EP300: variants seen among roughly 807,000 people sequenced by gnomAD.
EP300 encodes histone acetyltransferase p300.
In EP300, 31 loss-of-function variants were observed where a neutral mutation model predicts 264.0. That is an observed-to-expected ratio of 0.12 (90% CI 0.09 to 0.16). The LOEUF is 0.16. EP300 is among the 10% of genes least tolerant of loss of function. The pLI, the probability that EP300 is intolerant of heterozygous loss-of-function variation, is 1.00. For synonymous variants in EP300, 1,340 were observed against 1,045.4 expected (o/e 1.28, Z -5.44); for missense variants, 2,766 against 3,052.9 (o/e 0.91, Z 2.21).
chr22:41,124,005 T>G (rs544535998), intron 2 of EP300, among the ~76,000 whole-genome samples: 1 of 152,228 alleles, frequency 6.6e-6, no homozygotes, highest in African/African-American at 2.4e-5. Flanking sequence ...CCCAGCACTT[T>G]GGGAGGCCGA....
At chr22:41,107,506 C>T (rs1354762180) in intron 1 of EP300, among the ~76,000 whole-genome samples, 3 of 151,304 alleles carry the variant, frequency 2.0e-5, no homozygotes, top group Non-Finnish European at 4.4e-5. Flanking sequence ...TTTTAAATTA[C>T]ATTTTGTGTC....
intron 1 of EP300, among the ~76,000 whole-genome samples, chr22:41,102,202 T>C (rs2058735822): frequency 6.6e-6 from 1 of 152,120 alleles, no homozygotes; most frequent in African/African-American, 2.4e-5. Context: ...CCTCTGTACA[T>C]TGTTCCTTCT....
At chr22:41,098,658 A>G (rs1267240714) in intron 1 of EP300, among the ~76,000 whole-genome samples, 1 of 152,222 alleles carries the variant, frequency 6.6e-6, no homozygotes, top group Non-Finnish European at 1.5e-5. Context: ...GGCGTGAGCC[A>G]TAGCACCTGG....
Position 41,179,515 on chromosome 22 carries a change from A to C in EP300, c.*559A>C. 1 of 175,130 alleles carries C rather than the reference A, an allele frequency of 5.7e-6. No individual in the cohort carries two copies. The highest frequency in any genetic ancestry group is 1.2e-5 in the Non-Finnish European group (1 of 85,318). The allele number at this position is 175,130 out of a possible 1,614,324, so 10.8% of individuals were successfully genotyped here. ...TTTTTCTCTGGGTGCAAAGATGTTC[A>C]TTCTTTTAAAAAATGTTTAAAAAAA... is the stretch of plus-strand genomic sequence containing the variant. On this transcript the variant is annotated 3_prime_UTR_variant, in exon 31 of 31. Coordinates refer to ENST00000263253, the MANE Select transcript of EP300 (RefSeq NM_001429.4).
chr22:41,127,818 A>G (rs2058891746), intron 4 of EP300, 70 bp downstream of exon 4: 1 of 1,592,906 alleles, frequency 6.3e-7, no homozygotes, highest in Non-Finnish European at 8.6e-7. Flanking sequence ...AAATGTGATC[A>G]AGTCTATTTT....
Position 41,150,183 on chromosome 22 carries a change from G to A in EP300, c.2802G>A (p.Pro934=), listed in dbSNP as rs201374098. Residue 934 remains proline, a synonymous_variant, in exon 14 of 31, where the codon CCG becomes CCA. Coordinates refer to ENST00000263253, the MANE Select transcript of EP300 (RefSeq NM_001429.4). ...VPTPTAPLLP[P]QPATPLSQPA... ...CCCCAACAGCACCGCTGCTTCCTCCGCAGCCTGCAACTCCAGTAAGTAGAG... is the reference window on the plus strand; with the variant it reads ...CCCCAACAGCACCGCTGCTTCCTCCACAGCCTGCAACTCCAGTAAGTAGAG... 34 of 1,607,612 alleles carry A rather than the reference G, an allele frequency of 2.1e-5. No homozygotes were observed. The highest frequency in any genetic ancestry group is 3.3e-5 in the South Asian group (3 of 90,834).
intron 2 of EP300, among the ~76,000 whole-genome samples, chr22:41,119,119 C>T (rs1272827855): frequency 6.7e-6 from 1 of 149,372 alleles, no homozygotes; most frequent in Non-Finnish European, 1.5e-5. Context: ...CTTCTCGCCT[C>T]AGCCTCCTGA....
rs757248482 is a variant in EP300, at chr22:41,170,567, A to G, written c.4448A>G (p.Tyr1483Cys). 5.6e-6 allele frequency: 9 copies of G among 1,613,862 alleles called. No homozygotes were observed. The highest frequency in any genetic ancestry group is 1.7e-5 in the Admixed American group (1 of 59,992). ...KAVSERIVHDYKDIFKQATED... is the reference protein window; with the variant it reads ...KAVSERIVHDCKDIFKQATED... ...GTATCAGAGCGTATTGTCCATGACT[A>G]CAAGGTCAGTTGGGACATAGGGGCC... is the stretch of plus-strand genomic sequence containing the variant. The change falls in exon 27 of 31, where the codon TAC (tyrosine) becomes TGC (cysteine). Residue 1483 changes from tyrosine to cysteine, a missense_variant. By Grantham distance (194) the Tyr-to-Cys change is radical. Coordinates refer to ENST00000263253, the MANE Select transcript of EP300 (RefSeq NM_001429.4).
At position 41,141,286 on chromosome 22, in the gene EP300, G is replaced by A. The variant is rs538340097; in HGVS notation, c.2053+64G>A. The A allele has an allele frequency of 4.3e-5, 66 of 1,545,246 alleles. No individual in the cohort carries two copies. In the African/African-American group the frequency reaches 8.6e-4, roughly 20 times the overall value. On this transcript the variant is annotated intron_variant, in intron 10 of 30. Coordinates refer to ENST00000263253, the MANE Select transcript of EP300 (RefSeq NM_001429.4). ...GATAATAAAATAGTTTCTATCTAAA[G>A]TCATTAATTTCTGTAAGCTTGTGTA...
chr22:41,097,067 T>C (rs531162954), intron 1 of EP300, among the ~76,000 whole-genome samples: 2 of 152,370 alleles, frequency 1.3e-5, no homozygotes, highest in African/African-American at 4.8e-5. Context: ...CATAAGAGTT[T>C]GCTTCTGGAG....
chr22:41,156,693 C>T (rs140767733), intron 17 of EP300, among the ~76,000 whole-genome samples: 1 of 152,188 alleles, frequency 6.6e-6, no homozygotes, highest in Non-Finnish European at 1.5e-5. Flanking sequence ...CCACTGCACT[C>T]CAGCCTGGGC....
chr22:41,165,741 T>G (rs1282604874), intron 22 of EP300, among the ~76,000 whole-genome samples: 1 of 151,444 alleles, frequency 6.6e-6, no homozygotes, highest in Non-Finnish European at 1.5e-5. Flanking sequence ...GATTTATGTG[T>G]ATTTAATTTT....
At position 41,172,579 on chromosome 22, in the gene EP300, T is replaced by C. The variant is rs2059176933; in HGVS notation, c.4533T>C (p.Asn1511=). 6.2e-7 allele frequency: 1 copy of C among 1,614,094 alleles called. No individual in the cohort carries two copies. Among genetic ancestry groups the C allele is most frequent in the South Asian group, 1.1e-5 (1 of 91,082 alleles). The change falls in exon 28 of 31, where the codon AAT becomes AAC. Residue 1511 remains asparagine (N), a synonymous_variant. Coordinates refer to ENST00000263253, the MANE Select transcript of EP300 (RefSeq NM_001429.4). The stretch of plus-strand genomic sequence containing the variant: ...ATTTCGAGGGTGATTTCTGGCCCAA[T>C]GTTCTGGAAGAAAGCATTAAGGAAC... The part of the protein sequence containing the change: ...LPYFEGDFWP[N]VLEESIKELE...
chr22:41,132,644 T>C (rs1188226284), intron 6 of EP300, among the ~76,000 whole-genome samples: 1 of 152,166 alleles, frequency 6.6e-6, no homozygotes, highest in Non-Finnish European at 1.5e-5. Context: ...CTTTAAACTA[T>C]ACAACAGAAA....
At position 41,178,145 on chromosome 22, in the gene EP300, TGCCCCAGCAGCA is replaced by T. The variant is rs748521600; in HGVS notation, c.6435_6446del (p.Pro2150_Gln2153del). ...CAGGCGGGCGTTCAGAGGGCTGGCCTGCCCCAGCAGCAACCACAGCAGCAACTCCAGCCACCC... is the reference window on the plus strand; with the variant it reads ...CAGGCGGGCGTTCAGAGGGCTGGCCTACCACAGCAGCAACTCCAGCCACCC... On this transcript the variant is annotated inframe_deletion, in exon 31 of 31. Transcript: ENST00000263253. 3 of 1,614,104 alleles carry T rather than the reference TGCCCCAGCAGCA, an allele frequency of 1.9e-6. No homozygotes were observed. Among genetic ancestry groups the T allele is most frequent in the Non-Finnish European group, 2.5e-6 (3 of 1,180,014 alleles).
In EP300 at chr22:41,172,448, A is replaced by G. The variant is rs767101920; in HGVS notation, c.4453-51A>G. 8.1e-6 allele frequency: 12 copies of G among 1,484,086 alleles called. No homozygotes were observed. The South Asian group carries it at 9.2e-5, about 11-fold the overall frequency. 91.9% of individuals were successfully genotyped at this position (1,484,086 alleles called of 1,614,324 possible). ...CAGCCATGATTATTCTGTATAATCAATGCTTTAAAAGAACATAGAAATTCC... is the reference window on the plus strand; with the variant it reads ...CAGCCATGATTATTCTGTATAATCAGTGCTTTAAAAGAACATAGAAATTCC... On this transcript the variant is annotated intron_variant, in intron 27 of 30. Coordinates refer to ENST00000263253, the MANE Select transcript of EP300 (RefSeq NM_001429.4).
intron 23 of EP300, among the ~76,000 whole-genome samples, chr22:41,167,723 ATCC>A (rs1310062847): frequency 2.8e-5 from 4 of 142,060 alleles, no homozygotes; most frequent in Admixed American, 1.4e-4. Flanking sequence ...GATTCAAGCA[ATCC>A]TCCCACCTCA....
At chr22:41,102,847 GATTTATTTATT>G (rs1217164434) in intron 1 of EP300, among the ~76,000 whole-genome samples, 1 of 152,060 alleles carries the variant, frequency 6.6e-6, no homozygotes, top group Non-Finnish European at 1.5e-5. Flanking sequence ...GTTGGGTGAT[GATTTATTTATT>G]ATTTATTTAT....
intron 17 of EP300, among the ~76,000 whole-genome samples, chr22:41,155,478 C>G (rs1444806191): frequency 6.6e-6 from 1 of 152,148 alleles, no homozygotes; most frequent in African/African-American, 2.4e-5. Context: ...AAGCAATAGG[C>G]CCATCTCAGC....
Sources: gnomAD v4.1 joint callset for allele counts (sites outside exome capture counted in the v4.1 genomes callset) on GRCh38, gnomAD v4.1.1 for gene constraint, MANE v1.5 for transcripts, NCBI Gene and HGNC (gene_info 2026-07-23, HGNC 2026-07-21) for gene names.